Variants in ANKRD46 observed in about 807,000 individuals in gnomAD.
The protein encoded by ANKRD46 is ankyrin repeat domain-containing protein 46.
In ANKRD46, 13 loss-of-function variants were observed where a neutral mutation model predicts 19.8. The observed-to-expected ratio is 0.66, with a 90% CI of 0.43 to 1.04. The LOEUF is 1.04. Among genes scored for constraint, ANKRD46 ranks in the 50% least tolerant of loss-of-function variants. ANKRD46 has a pLI of 0.00. For missense variants in ANKRD46, 185 were observed against 274.8 expected, an observed-to-expected ratio of 0.67 and a Z score of 2.31; for synonymous variants, 91 against 106.9, an observed-to-expected ratio of 0.85 and a Z score of 0.92.
chr8:100,530,465 C>T (rs539015167), intron 2 of ANKRD46, among the ~76,000 whole-genome samples: 1 of 151,848 alleles, frequency 6.6e-6, no homozygotes, highest in East Asian at 1.9e-4. Flanking sequence ...CTCACTGCAA[C>T]CTCCATCTCC....
chr8:100,535,121 T>C (rs1488157726), intron 1 of ANKRD46, among the ~76,000 whole-genome samples: 1 of 152,210 alleles, frequency 6.6e-6, no homozygotes, highest in Non-Finnish European at 1.5e-5. Context: ...TTGAACAAAT[T>C]ACAGATTTGT....
At chr8:100,555,435 A>C (rs1328681344) in intron 1 of ANKRD46, among the ~76,000 whole-genome samples, 1 of 151,648 alleles carries the variant, frequency 6.6e-6, no homozygotes, top group Non-Finnish European at 1.5e-5. Flanking sequence ...ACAAAAAATT[A>C]AGAACTCAGG....
chr8:100,521,205 A>G lies in ANKRD46; in HGVS notation c.*1350T>C, dbSNP rs1811717810. ...ATACAAGAGAAAATACCAAGAAGCAAAAAGAATCACAGAAATACCAATTCT... is the reference window on the plus strand; with the variant it reads ...ATACAAGAGAAAATACCAAGAAGCAGAAAGAATCACAGAAATACCAATTCT... On this transcript the variant is annotated 3_prime_UTR_variant, in exon 5 of 5. Coordinates refer to ENST00000335659, the MANE Select transcript of ANKRD46 (RefSeq NM_001270377.2). The G allele has an allele frequency of 5.1e-6, 5 of 985,246 alleles. No homozygotes were observed. Among genetic ancestry groups the G allele is most frequent in the Non-Finnish European group, 6.0e-6 (5 of 829,904 alleles). The allele number at this position is 985,246 out of a possible 1,614,324, so 61.0% of individuals were successfully genotyped here. A position where few individuals can be genotyped will look rare whatever the true frequency, so the allele number is the denominator to read the frequency against.
At position 100,511,362 on chromosome 8, in the gene ANKRD46, G is replaced by C. The variant is rs1239670402; in HGVS notation, c.637-723C>G. On this transcript the variant is annotated intron_variant, in intron 5 of 5. Transcript: ENST00000520552. This position sits in a 1 kb window ranked among gnomAD's most constrained non-coding sequence, Gnocchi z 4.1. ...ACTCTTCTGCCTCCCAGTCACAAAA[G>C]AGTGGGTGTTTATGACAAGGAGTGT... 6.6e-6 allele frequency among the ~76,000 whole-genome samples: 1 copy of C among 152,078 alleles called. No homozygotes were observed. Among genetic ancestry groups the C allele is most frequent in the East Asian group, 1.9e-4 (1 of 5,196 alleles).
chr8:100,518,516 T>A (rs887026687), downstream of ANKRD46, among the ~76,000 whole-genome samples: 1 of 152,140 alleles, frequency 6.6e-6, no homozygotes, highest in African/African-American at 2.4e-5. Context: ...CTTCCCTTAA[T>A]TATCTCGTGG....
intron 1 of ANKRD46, among the ~76,000 whole-genome samples, chr8:100,548,123 T>A (rs1376655018): frequency 1.4e-5 from 2 of 147,628 alleles, no homozygotes; most frequent in Non-Finnish European, 3.0e-5. Context: ...AAAAAAAAAA[T>A]CTTCCAAAAA....
chr8:100,512,343 G>A (rs887619238), intron 5 of ANKRD46, among the ~76,000 whole-genome samples: 2 of 152,176 alleles, frequency 1.3e-5, no homozygotes, highest in African/African-American at 4.8e-5. Flanking sequence ...CCTTGGAAAG[G>A]TATAGAATTA....
rs1436624942 is a variant in ANKRD46, at chr8:100,534,976, A to G, written c.-130-1665T>C. 6.6e-6 allele frequency among the ~76,000 whole-genome samples: 1 copy of G among 152,210 alleles called. No homozygotes were observed. Among genetic ancestry groups the G allele is most frequent in the African/African-American group, 2.4e-5 (1 of 41,450 alleles). On this transcript the variant is annotated intron_variant, in intron 1 of 4. Coordinates refer to ENST00000335659, the MANE Select transcript of ANKRD46 (RefSeq NM_001270377.2). The surrounding 1 kb of genome is among the most constrained non-coding windows in gnomAD (Gnocchi z 4.2). ...GAGATGAGGTTTCACCATGTTGGCT[A>G]GGCAGGTCTTGAACTCCTGACCTCA...
At chr8:100,519,849 C>T (rs1197019134), downstream of ANKRD46, among the ~76,000 whole-genome samples, 2 of 152,020 alleles carry the variant, frequency 1.3e-5, no homozygotes, top group East Asian at 1.9e-4. Flanking sequence ...CAGCTTGTTG[C>T]GGGGGATGCA....
In ANKRD46 at chr8:100,557,714, C is replaced by T. The variant is rs879340894; in HGVS notation, c.-131+1997G>A. Among the ~76,000 whole-genome samples the T allele has an allele frequency of 6.6e-6, 1 of 152,186 alleles. No homozygotes were observed. The highest frequency in any genetic ancestry group is 2.4e-5 in the African/African-American group (1 of 41,446). On this transcript the variant is annotated intron_variant, in intron 1 of 4. Coordinates refer to ENST00000335659, the MANE Select transcript of ANKRD46 (RefSeq NM_001270377.2). The surrounding 1 kb of genome is among the most constrained non-coding windows in gnomAD (Gnocchi z 5.9). ...CCTTGCTGTTCCTCTCTTGCTGTCCCTCTAACAAGACTGAAGGGTTCTGGG... is the reference window on the plus strand; with the variant it reads ...CCTTGCTGTTCCTCTCTTGCTGTCCTTCTAACAAGACTGAAGGGTTCTGGG...
At chr8:100,516,790 A>G (rs950760212), downstream of ANKRD46, among the ~76,000 whole-genome samples, 1 of 152,220 alleles carries the variant, frequency 6.6e-6, no homozygotes, top group Non-Finnish European at 1.5e-5. Flanking sequence ...TTAAGAAACA[A>G]AAGTTCCTTG....
In ANKRD46 at chr8:100,524,312, A is replaced by C. The variant is rs1365942836; in HGVS notation, c.471-1541T>G. Among the ~76,000 whole-genome samples, 9 of 152,220 alleles carry C rather than the reference A, an allele frequency of 5.9e-5. No individual in the cohort carries two copies. The highest frequency in any genetic ancestry group is 2.2e-4 in the African/African-American group (9 of 41,454). On this transcript the variant is annotated intron_variant, in intron 4 of 4. Coordinates refer to ENST00000335659, the MANE Select transcript of ANKRD46 (RefSeq NM_001270377.2). This position sits in a 1 kb window ranked among gnomAD's most constrained non-coding sequence, Gnocchi z 4.3. Reference sequence around the variant, plus strand: ...ATTACTATCCTTCCTAACTCCCATAAAACAGTATCTTAGAGTCTCATTCAT... The same window carrying C: ...ATTACTATCCTTCCTAACTCCCATACAACAGTATCTTAGAGTCTCATTCAT...
rs1190914163 is a variant in ANKRD46, at chr8:100,521,808, T to G, written c.*747A>C. On this transcript the variant is annotated 3_prime_UTR_variant, in exon 5 of 5. Coordinates refer to ENST00000335659, the MANE Select transcript of ANKRD46 (RefSeq NM_001270377.2). ...TTTTCTGACTGTAATTCTGATGAACTGTTATCTTTGATGACTAGGATACTC... is the reference window on the plus strand; with the variant it reads ...TTTTCTGACTGTAATTCTGATGAACGGTTATCTTTGATGACTAGGATACTC... 2.0e-6 allele frequency: 2 copies of G among 985,266 alleles called. No individual in the cohort carries two copies. Among genetic ancestry groups the G allele is most frequent in the Non-Finnish European group, 2.4e-6 (2 of 829,852 alleles). The allele number at this position is 985,266 out of a possible 1,614,324, so 61.0% of individuals were successfully genotyped here.
chr8:100,551,539 G>A (rs941649247), intron 1 of ANKRD46: 44 of 808,574 alleles, frequency 5.4e-5, no homozygotes, highest in African/African-American at 2.0e-4. Flanking sequence ...CAGCCTTGAC[G>A]GTGTGGTGGA....
At chr8:100,541,028 A>G (rs1316145956) in intron 1 of ANKRD46, among the ~76,000 whole-genome samples, 1 of 149,622 alleles carries the variant, frequency 6.7e-6, no homozygotes, top group Non-Finnish European at 1.5e-5. Context: ...CTAGTATGGC[A>G]TAAGGTGAGA....
At position 100,510,663 on chromosome 8, in the gene ANKRD46, T is replaced by TAA. The variant is rs752453421; in HGVS notation, c.637-26_637-25dup. The stretch of plus-strand genomic sequence containing the variant: ...CTCTGTAAATGTGGGGAAGACAGAT[T>TAA]AAAAAAAAAAAAAAATCCCAGTTCT... On this transcript the variant is annotated intron_variant, in intron 5 of 5. Coordinates refer to the ANKRD46 transcript ENST00000520552. This position sits in a 1 kb window ranked among gnomAD's most constrained non-coding sequence, Gnocchi z 4.9. 4.8e-4 allele frequency: 616 copies of TAA among 1,281,442 alleles called. No homozygotes were observed. The highest frequency in any genetic ancestry group is 1.3e-3 in the South Asian group (86 of 68,782). 79.4% of individuals were successfully genotyped at this position (1,281,442 alleles called of 1,614,324 possible).
rs1231474446 is a variant in ANKRD46 at position 100,557,253 on chromosome 8, C to T, written c.-131+2458G>A. On this transcript the variant is annotated intron_variant, in intron 1 of 4. Coordinates refer to ENST00000335659, the MANE Select transcript of ANKRD46 (RefSeq NM_001270377.2). This position sits in a 1 kb window ranked among gnomAD's most constrained non-coding sequence, Gnocchi z 5.9. ...TCCACCTACCTTCACACTCAGTCTT[C>T]TCCATCTCAGTACACTGTTTAACTA... Among the ~76,000 whole-genome samples, 1 of 152,214 alleles carries T rather than the reference C, an allele frequency of 6.6e-6. No homozygotes were observed. Among genetic ancestry groups the T allele is most frequent in the Non-Finnish European group, 1.5e-5 (1 of 68,040 alleles).
intron 5 of ANKRD46, among the ~76,000 whole-genome samples, chr8:100,514,611 C>CTTTTTTT (rs1563922826): frequency 3.9e-5 from 3 of 76,030 alleles, no homozygotes; most frequent in African/African-American, 1.8e-4. Context: ...GTTATTCCTC[C>CTTTTTTT]ATCTTCTTTT....
Position 100,521,938 on chromosome 8 carries a change from T to C in ANKRD46, c.*617A>G. 2 of 982,058 alleles carry C rather than the reference T, an allele frequency of 2.0e-6. No individual in the cohort carries two copies. The highest frequency in any genetic ancestry group is 2.4e-6 in the Non-Finnish European group (2 of 826,878). 60.8% of individuals were successfully genotyped at this position (982,058 alleles called of 1,614,324 possible). On this transcript the variant is annotated 3_prime_UTR_variant, in exon 5 of 5. Coordinates refer to ENST00000335659, the MANE Select transcript of ANKRD46 (RefSeq NM_001270377.2). ...AAAAATTATCCTAAAAACAAATAAA[T>C]ATAAGATCAAATCAATTATCTTTGA...
Sources: gnomAD v4.1 joint callset for allele counts (sites outside exome capture counted in the v4.1 genomes callset) on GRCh38, gnomAD v4.1.1 for gene constraint, Gnocchi (gnomAD v3.1) non-coding constraint, MANE v1.5 for transcripts, NCBI Gene and HGNC (gene_info 2026-07-23, HGNC 2026-07-21) for gene names.